COG5: variants seen among roughly 807,000 people sequenced by gnomAD.
COG5 encodes the protein component of oligomeric golgi complex 5, also known as conserved oligomeric Golgi complex subunit 5.
In COG5, 86 loss-of-function variants were observed where a neutral mutation model predicts 110.4. That is an observed-to-expected ratio of 0.78 (90% CI 0.65 to 0.93). The LOEUF (loss-of-function observed/expected upper bound fraction) is 0.93. COG5 is among the 40% of genes least tolerant of loss of function. The pLI is 0.00. For missense variants in COG5, 1,077 were observed against 987.0 expected, an observed-to-expected ratio of 1.09 and a Z score of -1.22; for synonymous variants, 360 against 334.6, an observed-to-expected ratio of 1.08 and a Z score of -0.83.
intron 10 of COG5, among the ~76,000 whole-genome samples, chr7:107,335,947 T>C (rs1311122183): frequency 6.6e-6 from 1 of 152,070 alleles, no homozygotes; most frequent in Non-Finnish European, 1.5e-5. Flanking sequence ...ATGCACCCAA[T>C]ATTGAAACAT....
chr7:107,295,101 A>ATTTTT (rs1186745330), intron 12 of COG5, among the ~76,000 whole-genome samples: 7 of 45,514 alleles, frequency 1.5e-4, no homozygotes, highest in African/African-American at 3.4e-4. Context: ...ATATATATAT[A>ATTTTT]TTTTTTTTTT....
intron 6 of COG5, among the ~76,000 whole-genome samples, chr7:107,478,723 T>C (rs1797134970): frequency 6.6e-6 from 1 of 152,022 alleles, no homozygotes; most frequent in Non-Finnish European, 1.5e-5. Context: ...TCTGGTGGTC[T>C]TGGGATGTAT....
chr7:107,273,975 G>A (rs927256018), intron 14 of COG5, among the ~76,000 whole-genome samples: 3 of 152,152 alleles, frequency 2.0e-5, no homozygotes, highest in African/African-American at 7.2e-5. Flanking sequence ...AAAGTCTTTT[G>A]ATTTTTATAG....
rs929801119 is a variant in COG5, at chr7:107,558,210, T to C, written c.95-95A>G. On this transcript the variant is annotated intron_variant, in intron 1 of 21. Transcript: ENST00000297135. ...CAATTATAATCATAATTAACATATT[T>C]TGATCCCATACTCTGAACCACTCCA... 7.4e-5 allele frequency: 97 copies of C among 1,308,410 alleles called. 1 individual carries two copies. The highest frequency in any genetic ancestry group is 1.0e-4 in the Non-Finnish European group (92 of 923,044). 81.1% of individuals were successfully genotyped at this position (1,308,410 alleles called of 1,614,324 possible).
intron 6 of COG5, among the ~76,000 whole-genome samples, chr7:107,477,203 C>G (rs1797045078): frequency 1.3e-5 from 2 of 151,284 alleles, no homozygotes; most frequent in African/African-American, 4.8e-5. Context: ...TATTTTTTAC[C>G]CCAGGAAATA....
chr7:107,414,044 T>A (rs1442128254), intron 6 of COG5, among the ~76,000 whole-genome samples: 1 of 152,206 alleles, frequency 6.6e-6, no homozygotes, highest in African/African-American at 2.4e-5. Flanking sequence ...AAAGAGATAG[T>A]ATTCCTCCGA....
chr7:107,311,271 T>A (rs368972322), intron 11 of COG5, among the ~76,000 whole-genome samples: 1 of 151,820 alleles, frequency 6.6e-6, no homozygotes, highest in East Asian at 1.9e-4. Flanking sequence ...GAGTATGTTA[T>A]CAAACTTTTT....
At chr7:107,304,473 C>T (rs1295595715) in intron 11 of COG5, among the ~76,000 whole-genome samples, 1 of 152,100 alleles carries the variant, frequency 6.6e-6, no homozygotes, top group South Asian at 2.1e-4. Context: ...ACTGAATGAA[C>T]AAATGAATTG....
intron 12 of COG5, among the ~76,000 whole-genome samples, chr7:107,295,046 C>A (rs1444890095): frequency 2.9e-5 from 1 of 33,998 alleles, no homozygotes; most frequent in Non-Finnish European, 5.1e-5. Context: ...TATACACACA[C>A]ACACACACAC....
chr7:107,219,898 G>A (rs564356807), intron 19 of COG5, among the ~76,000 whole-genome samples: 1 of 152,100 alleles, frequency 6.6e-6, no homozygotes, highest in South Asian at 2.1e-4. Flanking sequence ...CATCCCACAC[G>A]GTACACATAT....
chr7:107,205,787 T>C (rs1176534412), intron 21 of COG5, among the ~76,000 whole-genome samples: 5 of 151,904 alleles, frequency 3.3e-5, no homozygotes, highest in Non-Finnish European at 7.4e-5. Flanking sequence ...CATCTTGGAG[T>C]CACACAGGTT....
At chr7:107,516,983 C>T (rs530407456) in intron 6 of COG5, among the ~76,000 whole-genome samples, 4 of 152,262 alleles carry the variant, frequency 2.6e-5, no homozygotes, top group South Asian at 4.1e-4. Context: ...CCAGCAAGGG[C>T]GCAGAACTGG....
chr7:107,324,060 G>A (rs1242025914), intron 11 of COG5, among the ~76,000 whole-genome samples: 1 of 152,016 alleles, frequency 6.6e-6, no homozygotes, highest in African/African-American at 2.4e-5. Flanking sequence ...AATTTGCAAA[G>A]CCTCTGTATT....
intron 6 of COG5, among the ~76,000 whole-genome samples, chr7:107,519,035 G>A (rs894429223): frequency 2.0e-5 from 3 of 151,982 alleles, no homozygotes; most frequent in Non-Finnish European, 2.9e-5. Context: ...TTGAACAACC[G>A]CTCCTAAATG....
At chr7:107,481,927 A>T (rs182970257) in intron 6 of COG5, among the ~76,000 whole-genome samples, 2 of 152,114 alleles carry the variant, frequency 1.3e-5, no homozygotes, top group Non-Finnish European at 2.9e-5. Context: ...CCTGATACAT[A>T]CTGACTGGTA....
intron 6 of COG5, among the ~76,000 whole-genome samples, chr7:107,430,133 T>A (rs1355097076): frequency 6.6e-6 from 1 of 152,202 alleles, no homozygotes; most frequent in African/African-American, 2.4e-5. Context: ...TTATCTCATT[T>A]CCTTTTGTCA....
chr7:107,237,252 T>A (rs1344576212), intron 17 of COG5, among the ~76,000 whole-genome samples: 1 of 152,182 alleles, frequency 6.6e-6, no homozygotes. Flanking sequence ...CTCTAGATGA[T>A]GAGGTTTGGA....
At chr7:107,392,933 T>G (rs1041849642) in intron 7 of COG5, among the ~76,000 whole-genome samples, 1 of 152,118 alleles carries the variant, frequency 6.6e-6, no homozygotes, top group Non-Finnish European at 1.5e-5. Flanking sequence ...CTTTAAAGTC[T>G]CCATAAAAAC....
intron 11 of COG5, among the ~76,000 whole-genome samples, chr7:107,298,946 A>C (rs1457623830): frequency 6.6e-6 from 1 of 152,184 alleles, no homozygotes; most frequent in African/African-American, 2.4e-5. Flanking sequence ...CCATGGATCA[A>C]AAAAGAAATC....
Sources: gnomAD v4.1 joint callset for allele counts (sites outside exome capture counted in the v4.1 genomes callset) on GRCh38, gnomAD v4.1.1 for gene constraint, MANE v1.5 for transcripts, NCBI Gene and HGNC (gene_info 2026-07-23, HGNC 2026-07-21) for gene names.